Variants in RABGAP1L observed in about 807,000 individuals in gnomAD.
RABGAP1L encodes RAB GTPase activating protein 1 like, also known as rab GTPase-activating protein 1-like.
Under a neutral mutation model 137.7 loss-of-function variants are expected in RABGAP1L, and 63 were observed. The observed-to-expected ratio is 0.46, with a 90% CI of 0.37 to 0.56. The LOEUF (loss-of-function observed/expected upper bound fraction) is 0.56. Among genes scored for constraint, RABGAP1L ranks in the 20% least tolerant of loss-of-function variants. The pLI, the probability that RABGAP1L is intolerant of heterozygous loss-of-function variation, is 0.00. For missense variants in RABGAP1L, 1,095 were observed against 1,244.0 expected, an observed-to-expected ratio of 0.88 and a Z score of 1.80; for synonymous variants, 431 against 433.7, an observed-to-expected ratio of 0.99 and a Z score of 0.08.
At position 174,828,292 on chromosome 1, in the gene RABGAP1L, A is replaced by G. The variant is rs182147286; in HGVS notation, c.2340+16332A>G. 5.4e-5 allele frequency among the ~76,000 whole-genome samples: 8 copies of G among 147,956 alleles called. 1 individual carries two copies. Among genetic ancestry groups the G allele is most frequent in the Admixed American group, 2.7e-4 (4 of 14,818 alleles). On this transcript the variant is annotated intron_variant, in intron 19 of 25. Transcript: ENST00000681986. ...TTCTGTCCCCTCTAGTTTCCTCTGC[A>G]TGCGACCATTTGAGTTGTCTGTCTG...
At chr1:174,668,720 C>T (rs1375750657) in intron 14 of RABGAP1L, among the ~76,000 whole-genome samples, 2 of 152,254 alleles carry the variant, frequency 1.3e-5, no homozygotes, top group South Asian at 2.1e-4. Flanking sequence ...AATTTACGTT[C>T]CCACCAACAA....
chr1:174,806,960 A>AT (rs1252699670), intron 18 of RABGAP1L, among the ~76,000 whole-genome samples: 2 of 151,966 alleles, frequency 1.3e-5, no homozygotes, highest in Non-Finnish European at 2.9e-5. Context: ...TAATTTTTGT[A>AT]TTTTTAGTAG....
intron 18 of RABGAP1L, among the ~76,000 whole-genome samples, chr1:174,780,719 C>A (rs867262740): frequency 8.5e-6 from 1 of 118,008 alleles, no homozygotes; most frequent in African/African-American, 3.1e-5. Context: ...CCCTCCCCCC[C>A]ACCCCCCCAC....
intron 13 of RABGAP1L, among the ~76,000 whole-genome samples, chr1:174,532,207 G>T (rs916995903): frequency 2.0e-5 from 3 of 150,456 alleles, no homozygotes; most frequent in Admixed American, 6.6e-5. Flanking sequence ...TTTGTTTTTT[G>T]TTTTTTTGTT....
intron 12 of RABGAP1L, among the ~76,000 whole-genome samples, chr1:174,384,830 C>G (rs1159547283): frequency 1.3e-5 from 2 of 152,170 alleles, no homozygotes; most frequent in Admixed American, 6.6e-5. Context: ...ATATCTCTTA[C>G]CACTACAGAT....
At chr1:174,394,593 G>A (rs1354593683) in intron 13 of RABGAP1L, among the ~76,000 whole-genome samples, 1 of 151,778 alleles carries the variant, frequency 6.6e-6, no homozygotes, top group East Asian at 1.9e-4. Flanking sequence ...TTCTGTCAGG[G>A]GCCCTTGGTT....
Position 174,607,011 on chromosome 1 carries a change from G to A in RABGAP1L, c.1711-30364G>A, listed in dbSNP as rs561773963. ...TGGGAATTGCTTTTCCCAACACTAT[G>A]ATATTAGTAATCTGGGTAGGACTGC... On this transcript the variant is annotated intron_variant, in intron 13 of 25. Coordinates refer to ENST00000681986, the MANE Select transcript of RABGAP1L (RefSeq NM_001366446.1). Among the ~76,000 whole-genome samples the A allele has an allele frequency of 3.3e-5, 5 of 152,248 alleles. No homozygotes were observed. In the East Asian group the frequency reaches 9.7e-4, roughly 29 times the overall value.
At chr1:174,447,026 T>TTTCTC (rs1654848792) in intron 13 of RABGAP1L, among the ~76,000 whole-genome samples, 1 of 152,192 alleles carries the variant, frequency 6.6e-6, no homozygotes, top group Non-Finnish European at 1.5e-5. Flanking sequence ...GAGAAATAAC[T>TTTCTC]GTGAGCTACA....
intron 1 of RABGAP1L, among the ~76,000 whole-genome samples, chr1:174,193,613 A>C (rs1368351021): frequency 6.6e-6 from 1 of 152,152 alleles, no homozygotes; most frequent in Non-Finnish European, 1.5e-5. Flanking sequence ...AAAAGACTAC[A>C]ATTGCCTTTA....
chr1:174,647,652 A>G (rs1034307171), intron 14 of RABGAP1L, among the ~76,000 whole-genome samples: 7 of 151,986 alleles, frequency 4.6e-5, no homozygotes, highest in Admixed American at 6.6e-5. Context: ...CATCGGGGGT[A>G]TTGGCCTGAA....
At chr1:174,828,677 A>G (rs959784468) in intron 19 of RABGAP1L, among the ~76,000 whole-genome samples, 3 of 148,554 alleles carry the variant, frequency 2.0e-5, no homozygotes, top group Admixed American at 6.7e-5. Context: ...TGTGTGAAGC[A>G]TTGGCTAAAT....
intron 22 of RABGAP1L, among the ~76,000 whole-genome samples, chr1:174,977,821 A>G (rs986094754): frequency 1.3e-5 from 2 of 152,192 alleles, no homozygotes; most frequent in African/African-American, 4.8e-5. Context: ...ATCAATATAA[A>G]CAACTGAGTG....
intron 19 of RABGAP1L, among the ~76,000 whole-genome samples, chr1:174,882,801 GCC>G (rs1654452149): frequency 6.6e-6 from 1 of 151,676 alleles, no homozygotes; most frequent in African/African-American, 2.4e-5. Flanking sequence ...CTAAACAAAA[GCC>G]TAGTCACTAC....
intron 17 of RABGAP1L, among the ~76,000 whole-genome samples, chr1:174,722,666 G>T (rs1444961641): frequency 6.6e-6 from 1 of 151,926 alleles, no homozygotes; most frequent in African/African-American, 2.4e-5. Flanking sequence ...GTCCAGGCTG[G>T]TCGTGAGCTC....
intron 14 of RABGAP1L, among the ~76,000 whole-genome samples, chr1:174,652,082 C>T (rs1299795938): frequency 6.6e-6 from 1 of 152,116 alleles, no homozygotes; most frequent in African/African-American, 2.4e-5. Flanking sequence ...TTTTATTTCT[C>T]CTTCACGTAT....
At chr1:174,380,138 C>T (rs1419930443) in intron 12 of RABGAP1L, among the ~76,000 whole-genome samples, 1 of 151,472 alleles carries the variant, frequency 6.6e-6, no homozygotes, top group Non-Finnish European at 1.5e-5. Context: ...GGGTTGAAGC[C>T]CACTTGATCA....
chr1:174,691,187 G>A (rs904801145), intron 15 of RABGAP1L, among the ~76,000 whole-genome samples: 1 of 152,134 alleles, frequency 6.6e-6, no homozygotes. Context: ...CCTTCATAGA[G>A]AAAGGTAGAT....
At chr1:174,617,967 C>T (rs1182488172) in intron 13 of RABGAP1L, among the ~76,000 whole-genome samples, 1 of 152,208 alleles carries the variant, frequency 6.6e-6, no homozygotes, top group African/African-American at 2.4e-5. Flanking sequence ...TTCCAATGGT[C>T]TTAGCAAATG....
chr1:174,544,321 C>G (rs1319632894), intron 13 of RABGAP1L, among the ~76,000 whole-genome samples: 1 of 152,102 alleles, frequency 6.6e-6, no homozygotes, highest in Non-Finnish European at 1.5e-5. Flanking sequence ...CTCTAAACTT[C>G]TCTTCTTGCT....
Sources: allele counts gnomAD v4.1 joint callset (sites outside exome capture counted in the v4.1 genomes callset), GRCh38; gene constraint gnomAD v4.1.1; transcripts MANE v1.5; gene names NCBI Gene and HGNC (gene_info 2026-07-23, HGNC 2026-07-21).